RFTN2: variants seen among roughly 807,000 people sequenced by gnomAD.
The protein encoded by RFTN2 is raftlin family member 2, also known as raftlin-2.
In RFTN2, 34 loss-of-function variants were observed where a neutral mutation model predicts 52.7. The ratio of observed to expected loss-of-function variants is 0.64; its 90% CI spans 0.49 to 0.86. The LOEUF is 0.86. Ranked by LOEUF, RFTN2 falls within the 40% of genes least tolerant of loss-of-function variation. The pLI, the probability that RFTN2 is intolerant of heterozygous loss-of-function variation, is 0.00. For synonymous variants in RFTN2, 203 were observed against 217.7 expected (o/e 0.93, Z 0.59); for missense variants, 536 against 600.1 (o/e 0.89, Z 1.12).
At chr2:197,614,904 C>T (rs1039440258) in intron 7 of RFTN2, among the ~76,000 whole-genome samples, 3 of 152,224 alleles carry the variant, frequency 2.0e-5, no homozygotes, top group Admixed American at 1.3e-4. Context: ...AGAACAGTTA[C>T]TATAGAGCTC....
chr2:197,599,473 A>C (rs2087847303), intron 7 of RFTN2, among the ~76,000 whole-genome samples: 1 of 152,152 alleles, frequency 6.6e-6, no homozygotes, highest in Non-Finnish European at 1.5e-5. Flanking sequence ...ATGAAAGAGT[A>C]TCTCTACCAG....
Position 197,665,517 on chromosome 2 carries a change from C to CTTTTTTTTTTTTTTTTTTTTT in RFTN2, c.139+9802_139+9803insAAAAAAAAAAAAAAAAAAAAA. 4.3e-4 allele frequency among the ~76,000 whole-genome samples: 18 copies of CTTTTTTTTTTTTTTTTTTTTT among 41,470 alleles called. 1 individual carries two copies. The highest frequency in any genetic ancestry group is 1.1e-3 in the African/African-American group (8 of 7,088). The allele number at this position is 41,470 out of a possible 152,430, so 27.2% of individuals were successfully genotyped here. ...ATTCCTTTATCATTATGTACCTTGC[C>CTTTTTTTTTTTTTTTTTTTTT]TTTTTTTTTTTTTTTTACTGTTTTC... On this transcript the variant is annotated intron_variant, in intron 1 of 8. Transcript: ENST00000295049.
intron 3 of RFTN2, among the ~76,000 whole-genome samples, chr2:197,637,428 G>A (rs2088586689): frequency 6.6e-6 from 1 of 151,258 alleles, no homozygotes; most frequent in Non-Finnish European, 1.5e-5. Context: ...TCCTGTTATT[G>A]GTCTATTCAG....
Position 197,636,030 on chromosome 2 carries a change from C to G in RFTN2, c.439-2033G>C, listed in dbSNP as rs1295726445. ...CATTGCTTGTTTTTCTCAGGTTTGTCAAAGATCAGATAGTTGTAGATATGC... is the reference window on the plus strand; with the variant it reads ...CATTGCTTGTTTTTCTCAGGTTTGTGAAAGATCAGATAGTTGTAGATATGC... On this transcript the variant is annotated intron_variant, in intron 3 of 8. Transcript: ENST00000295049. 2.7e-4 allele frequency among the ~76,000 whole-genome samples: 39 copies of G among 145,066 alleles called. No individual in the cohort carries two copies. The South Asian group carries it at 5.7e-3, about 21-fold the overall frequency.
chr2:197,656,221 A>T (rs1325256220), intron 1 of RFTN2, among the ~76,000 whole-genome samples: 1 of 152,184 alleles, frequency 6.6e-6, no homozygotes, highest in Non-Finnish European at 1.5e-5. Context: ...AGGAGGATTA[A>T]TAAATTAATC....
rs573688542 is a variant in RFTN2, at chr2:197,617,747, T to C, written c.1050+53A>G. On this transcript the variant is annotated intron_variant, in intron 6 of 8. Transcript: ENST00000295049. ...ACCCAAACCAAACATATATATATATTATATATTATATTTATATATGTAAAG... is the reference window on the plus strand; with the variant it reads ...ACCCAAACCAAACATATATATATATCATATATTATATTTATATATGTAAAG... The C allele has an allele frequency of 2.8e-5, 18 of 636,934 alleles. No individual in the cohort carries two copies. The East Asian group carries it at 1.0e-3, about 36-fold the overall frequency. 39.5% of individuals were successfully genotyped at this position (636,934 alleles called of 1,614,324 possible).
intron 1 of RFTN2, among the ~76,000 whole-genome samples, chr2:197,649,205 C>G (rs570664655): frequency 6.6e-6 from 1 of 152,034 alleles, no homozygotes; most frequent in Non-Finnish European, 1.5e-5. Context: ...TAGGCAGTGA[C>G]GTGGAATTTG....
intron 3 of RFTN2, among the ~76,000 whole-genome samples, chr2:197,642,996 TA>T (rs1271509952): frequency 6.6e-6 from 1 of 152,228 alleles, no homozygotes; most frequent in Non-Finnish European, 1.5e-5. Flanking sequence ...AAATGGGATT[TA>T]TGATTCTTCT....
chr2:197,664,110 C>T (rs957818975), intron 1 of RFTN2, among the ~76,000 whole-genome samples: 1 of 151,896 alleles, frequency 6.6e-6, no homozygotes, highest in African/African-American at 2.4e-5. Flanking sequence ...TTACAAAGTT[C>T]TTCTTGGTAT....
chr2:197,606,716 A>T (rs1358329302), intron 7 of RFTN2, among the ~76,000 whole-genome samples: 2 of 151,192 alleles, frequency 1.3e-5, no homozygotes, highest in Non-Finnish European at 2.9e-5. Flanking sequence ...GCAGCCAAAA[A>T]ACACATGAAA....
intron 2 of RFTN2, 127 bp from the exon 3 acceptor site, chr2:197,644,399 T>C (rs1290907241): frequency 1.1e-5 from 6 of 540,332 alleles, no homozygotes; most frequent in Non-Finnish European, 2.0e-5. Flanking sequence ...ATTTCAAACC[T>C]GATGGCTATC....
intron 5 of RFTN2, among the ~76,000 whole-genome samples, chr2:197,627,378 A>G (rs1330896365): frequency 1.3e-5 from 2 of 152,190 alleles, no homozygotes; most frequent in Non-Finnish European, 2.9e-5. Context: ...GAAATTAGAT[A>G]TATATGTTTT....
At chr2:197,627,603 T>C (rs1333045836) in intron 5 of RFTN2, among the ~76,000 whole-genome samples, 1 of 152,204 alleles carries the variant, frequency 6.6e-6, no homozygotes, top group Admixed American at 6.5e-5. Flanking sequence ...GAATAACAAG[T>C]GAAGTCTGAA....
At chr2:197,613,599 G>C (rs1211801287) in intron 7 of RFTN2, among the ~76,000 whole-genome samples, 2 of 152,186 alleles carry the variant, frequency 1.3e-5, no homozygotes, top group Non-Finnish European at 2.9e-5. Context: ...TACTATCGTT[G>C]TGTGTACTGA....
chr2:197,590,008 G>C (rs868691126), intron 8 of RFTN2, among the ~76,000 whole-genome samples: 3 of 151,932 alleles, frequency 2.0e-5, no homozygotes, highest in Admixed American at 6.6e-5. Flanking sequence ...CCAGGCTCCA[G>C]CGATCCCCCC....
At chr2:197,580,153 G>A (rs1220573524) in intron 8 of RFTN2, among the ~76,000 whole-genome samples, 1 of 151,802 alleles carries the variant, frequency 6.6e-6, no homozygotes, top group Non-Finnish European at 1.5e-5. Context: ...TTTATTACCC[G>A]ATCCGCTCCC....
chr2:197,634,623 T>C (rs2088529195), intron 3 of RFTN2, among the ~76,000 whole-genome samples: 1 of 152,086 alleles, frequency 6.6e-6, no homozygotes, highest in African/African-American at 2.4e-5. Context: ...AGTTAAAGAA[T>C]AGGATTCTGA....
chr2:197,571,814 T>C lies in RFTN2; in HGVS notation c.*194A>G. Reference sequence around the variant, plus strand: ...TAGTTGAGAGAAGTGTAAACATGATTCTAAATGTATAAATATGTTGGTTAT... The same window carrying C: ...TAGTTGAGAGAAGTGTAAACATGATCCTAAATGTATAAATATGTTGGTTAT... On this transcript the variant is annotated 3_prime_UTR_variant, in exon 9 of 9. Coordinates refer to ENST00000295049, the MANE Select transcript of RFTN2 (RefSeq NM_144629.3). 1 of 594,906 alleles carries C rather than the reference T, an allele frequency of 1.7e-6. No individual in the cohort carries two copies. Among genetic ancestry groups the C allele is most frequent in the South Asian group, 2.1e-5 (1 of 47,522 alleles). The allele number at this position is 594,906 out of a possible 1,614,324, so 36.9% of individuals were successfully genotyped here.
chr2:197,634,775 G>A (rs2088534004), intron 3 of RFTN2, among the ~76,000 whole-genome samples: 1 of 150,724 alleles, frequency 6.6e-6, no homozygotes, highest in South Asian at 2.1e-4. Context: ...TAGGGTACAT[G>A]TGCACATTGT....
Sources: gnomAD v4.1 joint callset for allele counts (sites outside exome capture counted in the v4.1 genomes callset) on GRCh38, gnomAD v4.1.1 for gene constraint, MANE v1.5 for transcripts, NCBI Gene and HGNC (gene_info 2026-07-23, HGNC 2026-07-21) for gene names.